The following SCRIB variants were observed in gnomAD, a reference collection of about 807,000 sequenced individuals.
SCRIB encodes the protein protein scribble homolog.
Under a neutral mutation model 170.0 loss-of-function variants are expected in SCRIB, and 72 were observed. The ratio of observed to expected loss-of-function variants is 0.42; its 90% CI spans 0.35 to 0.52. SCRIB has a LOEUF of 0.52. Among genes scored for constraint, SCRIB ranks in the 20% least tolerant of loss-of-function variants. The probability of loss-of-function intolerance (pLI) is 0.02; values close to 1 mark genes in which losing one functional copy is unlikely to be tolerated. For missense variants in SCRIB, 2,475 were observed against 2,338.5 expected (o/e 1.06, Z -1.20); for synonymous variants, 1,298 against 1,044.3 (o/e 1.24, Z -4.68).
At chr8:143,814,233 T>C in intron 1 of SCRIB, 115 bp from the exon 2 acceptor site, 1 of 830,802 alleles carries the variant, frequency 1.2e-6, no homozygotes, top group Non-Finnish European at 1.9e-6. Flanking sequence ...CTGCTCCAGG[T>C]CACACCGGGT....
chr8:143,806,388 G>A lies in SCRIB; in HGVS notation c.2346+19C>T, dbSNP rs782026991. 31 of 1,586,876 alleles carry A rather than the reference G, an allele frequency of 2.0e-5. 1 individual carries two copies. Among genetic ancestry groups the A allele is most frequent in the East Asian group, 2.3e-5 (1 of 43,702 alleles). ...AGAGGGCACAGCTGCCACTCGGGGC[G>A]GAGAGGTTGCCGACTCACCTCCAGG... is the stretch of plus-strand genomic sequence containing the variant. On this transcript the variant is annotated intron_variant, in intron 18 of 36. Transcript: ENST00000356994.
chr8:143,813,168 G>A (rs758818874), intron 6 of SCRIB, 64 bp from the exon 7 acceptor site: 12 of 1,585,962 alleles, frequency 7.6e-6, no homozygotes, highest in African/African-American at 1.3e-5. Context: ...CCGTGCTCAA[G>A]AGACTATACG....
Position 143,813,501 on chromosome 8 carries a change from G to C in SCRIB, c.472C>G (p.Leu158Val). ...AGGGACTTGAGCAGGTTCTCCCGGA[G>C]CTCCAGGGTCACCAGGTTGGCGAGG... ...GNLANLVTLE[L>V]RENLLKSLPA... is the part of the protein sequence containing the mutation. Residue 158 changes from leucine to valine, a missense_variant, in exon 5 of 37, where the codon CTC becomes GTC. Leu to Val is a conservative substitution (Grantham distance 32). Transcript: ENST00000356994. 1 of 1,613,222 alleles carries C rather than the reference G, an allele frequency of 6.2e-7. No individual in the cohort carries two copies. The highest frequency in any genetic ancestry group is 2.2e-5 in the East Asian group (1 of 44,876).
At chr8:143,808,486 C>T (rs887271450) in intron 15 of SCRIB, 123 bp downstream of exon 15, 2 of 1,227,458 alleles carry the variant, frequency 1.6e-6, no homozygotes, top group Admixed American at 2.9e-5. Context: ...CACACGTGTC[C>T]ACCACCTTCT....
At chr8:143,799,480 A>C (rs1815081884) in intron 24 of SCRIB, among the ~76,000 whole-genome samples, 2 of 152,200 alleles carry the variant, frequency 1.3e-5, no homozygotes, top group Admixed American at 1.3e-4. Flanking sequence ...GTGGCCGCAG[A>C]GGAGGGGCCC....
intron 24 of SCRIB, among the ~76,000 whole-genome samples, chr8:143,798,750 C>G (rs1815049978): frequency 6.6e-6 from 1 of 152,108 alleles, no homozygotes; most frequent in South Asian, 2.1e-4. Flanking sequence ...ACCTCTCAGC[C>G]TCCATCTGCT....
intron 6 of SCRIB, 101 bp downstream of exon 6, chr8:143,813,210 C>T: frequency 6.3e-7 from 1 of 1,588,226 alleles, no homozygotes; most frequent in Non-Finnish European, 8.6e-7. Flanking sequence ...CGCCTGCCCT[C>T]CCGAGGTGCC....
rs782543043 is a variant in SCRIB at position 143,792,581 on chromosome 8, C to G, written c.4232G>C (p.Gly1411Ala). 1 of 1,583,762 alleles carries G rather than the reference C, an allele frequency of 6.3e-7. No homozygotes were observed. Among genetic ancestry groups the G allele is most frequent in the Non-Finnish European group, 8.5e-7 (1 of 1,172,436 alleles). Residue 1411 changes from glycine to alanine, a missense_variant, in exon 31 of 37, where the codon GGG becomes GCG. Physicochemically the swap from Gly to Ala is moderately conservative, Grantham distance 60. Transcript: ENST00000356994. ...AQMLREAAEA[G>A]AEARLALDGE... ...GTCCAGGGCGAGCCTCGCTTCGGCC[C>G]CAGCCTCTGCCGCCTCCCGCAGCAT...
At chr8:143,794,028 G>C (rs553691230) in intron 27 of SCRIB, 66 bp from the exon 28 acceptor site, 13 of 1,490,354 alleles carry the variant, frequency 8.7e-6, no homozygotes, top group Non-Finnish European at 1.2e-5. Flanking sequence ...AGGAGGGACT[G>C]GGGGCCCTGG....
At position 143,804,166 on chromosome 8, in the gene SCRIB, T is replaced by G. The variant is rs782136192; in HGVS notation, c.3010-10A>C. On this transcript the variant is annotated splice_polypyrimidine_tract_variant and intron_variant, in intron 21 of 36. Transcript: ENST00000356994. ...TTGGCAGACGGATCTCCTGGGGATT[T>G]AGGGCGGGACAAGGACAGGCCTCGG... 1 of 1,594,240 alleles carries G rather than the reference T, an allele frequency of 6.3e-7. No homozygotes were observed. Among genetic ancestry groups the G allele is most frequent in the Non-Finnish European group, 8.6e-7 (1 of 1,166,346 alleles).
chr8:143,811,808 G>A (rs556597888), intron 9 of SCRIB, among the ~76,000 whole-genome samples: 1 of 152,178 alleles, frequency 6.6e-6, no homozygotes, highest in East Asian at 1.9e-4. Flanking sequence ...AAACTCCCAT[G>A]AACACCCTCC....
At chr8:143,795,964 T>C in intron 24 of SCRIB, among the ~76,000 whole-genome samples, 1 of 152,072 alleles carries the variant, frequency 6.6e-6, no homozygotes, top group East Asian at 1.9e-4. Context: ...GTGTGAGTGC[T>C]GGGCAGGGAT....
At chr8:143,794,524 A>T (rs7007869) in intron 27 of SCRIB, among the ~76,000 whole-genome samples, 150,492 of 152,238 alleles carry the variant, frequency 0.99, 74,411 homozygotes, top group East Asian at 1. Context: ...AAGGGCCTGC[A>T]GGAGCCACCC....
At position 143,791,883 on chromosome 8, in the gene SCRIB, C is replaced by T; in HGVS notation, c.4688G>A (p.Gly1563Glu). The change falls in exon 34 of 37, where the codon GGA (glycine) becomes GAA (glutamate). Residue 1563 changes from glycine to glutamate, a missense_variant. Gly to Glu is a moderately conservative substitution (Grantham distance 98, BLOSUM62 -2). Transcript: ENST00000356994. ...TAGCCACCGGCTCCTCACCAGGCGTCCCGGGGAGGTGCTGGTCTGGGGGCC... is the reference window on the plus strand; with the variant it reads ...TAGCCACCGGCTCCTCACCAGGCGTTCCGGGGAGGTGCTGGTCTGGGGGCC... ...DLGPQTSTSP[G>E]RLPLSGKKFD... is the part of the protein sequence containing the mutation. 3 of 1,525,506 alleles carry T rather than the reference C, an allele frequency of 2.0e-6. No individual in the cohort carries two copies. The highest frequency in any genetic ancestry group is 1.8e-6 in the Non-Finnish European group (2 of 1,134,968). The allele number at this position is 1,525,506 out of a possible 1,614,324, so 94.5% of individuals were successfully genotyped here.
intron 24 of SCRIB, among the ~76,000 whole-genome samples, chr8:143,797,139 T>C (rs1814978628): frequency 6.6e-6 from 1 of 152,128 alleles, no homozygotes; most frequent in South Asian, 2.1e-4. Flanking sequence ...CAGCACATCC[T>C]GGAGGCAGAA....
At chr8:143,806,597 C>T in intron 17 of SCRIB, 113 bp from the exon 18 acceptor site, 1 of 851,658 alleles carries the variant, frequency 1.2e-6, no homozygotes, top group Non-Finnish European at 1.9e-6. Context: ...CTAGCCCTGG[C>T]CAGCAGGAGG....
intron 24 of SCRIB, among the ~76,000 whole-genome samples, chr8:143,798,534 G>T (rs1331855999): frequency 6.6e-6 from 1 of 152,134 alleles, no homozygotes; most frequent in Non-Finnish European, 1.5e-5. Context: ...TCCTGGGCTC[G>T]AGCGATCCTC....
chr8:143,803,285 C>T (rs1554635329), intron 24 of SCRIB, 98 bp downstream of exon 24: 5 of 1,205,398 alleles, frequency 4.1e-6, no homozygotes, highest in Admixed American at 2.7e-5. Context: ...GACCCAGAGG[C>T]ACAGGGGACC....
rs549420872 is a variant in SCRIB at position 143,794,272 on chromosome 8, A to C, written c.3847-310T>G. On this transcript the variant is annotated intron_variant, in intron 27 of 36. Transcript: ENST00000356994. ...GCAGGGAGGGCTCGGGGGAGGGGCC[A>C]GAGACAGAGGTGATGGTGGGGAGCC... 7.7e-6 allele frequency: 3 copies of C among 390,036 alleles called. No homozygotes were observed. In the South Asian group the frequency reaches 1.6e-4, roughly 20 times the overall value. The allele number at this position is 390,036 out of a possible 1,614,324, so 24.2% of individuals were successfully genotyped here. A position where few individuals can be genotyped will look rare whatever the true frequency, so the allele number is the denominator to read the frequency against.
Sources: allele counts gnomAD v4.1 joint callset (sites outside exome capture counted in the v4.1 genomes callset), GRCh38; gene constraint gnomAD v4.1.1; transcripts MANE v1.5; gene names NCBI Gene and HGNC (gene_info 2026-07-23, HGNC 2026-07-21).